The following MRC2 variants were observed in gnomAD, a reference collection of about 807,000 sequenced individuals.
MRC2 encodes mannose receptor C-type 2, also known as C-type mannose receptor 2.
Under a neutral mutation model 206.2 loss-of-function variants are expected in MRC2, and 84 were observed. That is an observed-to-expected ratio of 0.41 (90% CI 0.34 to 0.49). The LOEUF (loss-of-function observed/expected upper bound fraction) is 0.49, where lower values mean the gene tolerates loss of function less well. Ranked by LOEUF, MRC2 falls within the 20% of genes least tolerant of loss-of-function variation. The pLI is 0.31. For missense variants in MRC2, 1,676 were observed against 2,001.5 expected (o/e 0.84, Z 3.10); for synonymous variants, 798 against 800.0 (o/e 1.00, Z 0.04).
At chr17:62,634,765 C>T (rs1057084259) in intron 1 of MRC2, among the ~76,000 whole-genome samples, 2 of 152,102 alleles carry the variant, frequency 1.3e-5, no homozygotes, top group African/African-American at 4.8e-5. Context: ...CAGGAGTTCC[C>T]AGCCTCGTTT....
chr17:62,636,718 C>T (rs1407437671), intron 1 of MRC2, among the ~76,000 whole-genome samples: 1 of 151,948 alleles, frequency 6.6e-6, no homozygotes, highest in Non-Finnish European at 1.5e-5. Flanking sequence ...GTGATCCGCC[C>T]GCCTCAGCCT....
intron 20 of MRC2, among the ~76,000 whole-genome samples, chr17:62,686,273 T>G (rs1237348349): frequency 6.6e-6 from 1 of 152,052 alleles, no homozygotes; most frequent in African/African-American, 2.4e-5. Context: ...GCCAACATGG[T>G]GAAACCCTGT....
intron 1 of MRC2, among the ~76,000 whole-genome samples, chr17:62,644,664 C>G (rs2088453513): frequency 6.6e-6 from 1 of 152,174 alleles, no homozygotes; most frequent in Non-Finnish European, 1.5e-5. Flanking sequence ...CAGTACCGTC[C>G]TGTAATTGGT....
rs767814504 is a variant in MRC2 at position 62,682,385 on chromosome 17, G to C, written c.2946+8G>C. 6.2e-7 allele frequency: 1 copy of C among 1,602,974 alleles called. No homozygotes were observed. Among genetic ancestry groups the C allele is most frequent in the Admixed American group, 1.7e-5 (1 of 57,294 alleles). ...ATCCAGTTCCTCAACAAGGTAGGAG[G>C]TGGCAATGGGGCACCCAAGGGAGTC... On this transcript the variant is annotated splice_region_variant and intron_variant, in intron 20 of 29. Coordinates refer to ENST00000303375, the MANE Select transcript of MRC2 (RefSeq NM_006039.5).
At chr17:62,689,436 T>G in intron 23 of MRC2, 86 bp from the exon 24 acceptor site, 1 of 891,358 alleles carries the variant, frequency 1.1e-6, no homozygotes, top group Non-Finnish European at 1.7e-6. Context: ...GGTCTTTGCC[T>G]GGTGTGCGGC....
rs137941039 is a variant in MRC2, at chr17:62,638,017, C to A, written c.118+10097C>A. ...GTAGCTGGACGACAGGCGGCGCCAC[C>A]ACTCTATTTTGTTGCTCCTATTTTT... is the stretch of plus-strand genomic sequence containing the variant. On this transcript the variant is annotated intron_variant, in intron 1 of 29. Coordinates refer to ENST00000303375, the MANE Select transcript of MRC2 (RefSeq NM_006039.5). Among the ~76,000 whole-genome samples, 544 of 152,166 alleles carry A rather than the reference C, an allele frequency of 3.6e-3. 6 individuals carry two copies. Among genetic ancestry groups the A allele is most frequent in the African/African-American group, 0.013 (527 of 41,496 alleles).
intron 1 of MRC2, among the ~76,000 whole-genome samples, chr17:62,648,344 C>T (rs1232649503): frequency 6.6e-6 from 1 of 152,216 alleles, no homozygotes; most frequent in African/African-American, 2.4e-5. Context: ...GCGGAGGTTG[C>T]GTGACTGCGC....
At chr17:62,642,907 G>C (rs1257938253) in intron 1 of MRC2, among the ~76,000 whole-genome samples, 1 of 152,190 alleles carries the variant, frequency 6.6e-6, no homozygotes, top group Admixed American at 6.5e-5. Context: ...ATGAATTGTG[G>C]CAGCTTCACA....
intron 1 of MRC2, among the ~76,000 whole-genome samples, chr17:62,637,950 G>A (rs527368223): frequency 2.6e-5 from 4 of 152,080 alleles, no homozygotes; most frequent in Non-Finnish European, 5.9e-5. Flanking sequence ...CGGGAGCCTC[G>A]ACCTCCTGGG....
rs9905035 is a variant in MRC2, at chr17:62,675,323, C to A, written c.1570-467C>A. On this transcript the variant is annotated intron_variant, in intron 9 of 29. Coordinates refer to ENST00000303375, the MANE Select transcript of MRC2 (RefSeq NM_006039.5). This position sits in a 1 kb window ranked among gnomAD's most constrained non-coding sequence, Gnocchi z 4.1. ...GCCTGCCAGGGTCTCGTCTCTGAGC[C>A]CCTCCTGCCATCCCCGGGCCAGGAG... 0.018 allele frequency among the ~76,000 whole-genome samples: 2,729 copies of A among 152,274 alleles called. 81 individuals are homozygous for A. Among genetic ancestry groups the A allele is most frequent in the African/African-American group, 0.061 (2,524 of 41,532 alleles).
At position 62,642,513 on chromosome 17, in the gene MRC2, C is replaced by T. The variant is rs111305012; in HGVS notation, c.118+14593C>T. On this transcript the variant is annotated intron_variant, in intron 1 of 29. Coordinates refer to ENST00000303375, the MANE Select transcript of MRC2 (RefSeq NM_006039.5). ...CCAGGCTGGAGTGCAGCAGCACGAT[C>T]TCAGCTCACTGCAACCTCCACCTCC... Among the ~76,000 whole-genome samples, 413 of 152,314 alleles carry T rather than the reference C, an allele frequency of 2.7e-3. 1 individual carries two copies. The highest frequency in any genetic ancestry group is 9.2e-3 in the African/African-American group (383 of 41,562).
At chr17:62,673,961 A>G (rs1355116537) in intron 8 of MRC2, 102 bp from the exon 9 acceptor site, 5 of 879,344 alleles carry the variant, frequency 5.7e-6, no homozygotes, top group Non-Finnish European at 9.0e-6. Flanking sequence ...ATCACACAGT[A>G]AGTCAGAGAC....
chr17:62,681,837 A>G lies in MRC2; in HGVS notation c.2703A>G (p.Arg901=). The change falls in exon 19 of 30, where the codon AGA becomes AGG. Residue 901 remains arginine, a splice_region_variant and synonymous_variant. Coordinates refer to ENST00000303375, the MANE Select transcript of MRC2 (RefSeq NM_006039.5). ...LHTSESDGRF[R]WTDGSIINFI... ...TTACCTCTGCTCCATGCCATTGCAG[A>G]TGGACAGATGGTTCCATTATAAACT... The G allele has an allele frequency of 6.2e-7, 1 of 1,612,844 alleles. No individual in the cohort carries two copies. The highest frequency in any genetic ancestry group is 8.5e-7 in the Non-Finnish European group (1 of 1,179,444).
intron 19 of MRC2, 93 bp downstream of exon 19, chr17:62,682,030 C>A: frequency 8.2e-7 from 1 of 1,224,996 alleles, no homozygotes; most frequent in Non-Finnish European, 1.1e-6. Context: ...TGTTCTCATT[C>A]TCTTTGTTCC....
chr17:62,678,452 T>G (rs1227294130), intron 12 of MRC2, 52 bp from the exon 13 acceptor site: 31 of 1,588,218 alleles, frequency 2.0e-5, no homozygotes, highest in Non-Finnish European at 2.5e-5. Flanking sequence ...AGGTGCCCCC[T>G]GAGGGGTGGG....
chr17:62,628,697 C>G (rs954339619), intron 1 of MRC2, among the ~76,000 whole-genome samples: 1 of 152,208 alleles, frequency 6.6e-6, no homozygotes. Context: ...AATCAGAAAA[C>G]CCCAAAACTG....
rs780215330 is a variant in MRC2, at chr17:62,690,193, C to T, written c.3780C>T (p.Ser1260=). 8.1e-6 allele frequency: 13 copies of T among 1,610,846 alleles called. No individual in the cohort carries two copies. The South Asian group carries it at 1.4e-4, about 18-fold the overall frequency. The change falls in exon 26 of 30, where the codon AGC becomes AGT. Residue 1260 remains serine, a synonymous_variant. Coordinates refer to ENST00000303375, the MANE Select transcript of MRC2 (RefSeq NM_006039.5). The part of the protein sequence containing the change: ...PPPRRISYHG[S]CPQGLADSAW... ...CCCGAAGAATAAGCTACCATGGCAG[C>T]TGTCCCCAGGGACTGGCAGACTCCG...
At chr17:62,658,135 G>T (rs1471808106) in intron 1 of MRC2, among the ~76,000 whole-genome samples, 1 of 152,194 alleles carries the variant, frequency 6.6e-6, no homozygotes, top group Non-Finnish European at 1.5e-5. Flanking sequence ...CCTCCACATT[G>T]CAGTCTTCAG....
chr17:62,688,923 G>A lies in MRC2; in HGVS notation c.3297G>A (p.Thr1099=), dbSNP rs761249604. The change falls in exon 23 of 30, where the codon ACG becomes ACA. Residue 1099 remains threonine (T), a synonymous_variant. Coordinates refer to ENST00000303375, the MANE Select transcript of MRC2 (RefSeq NM_006039.5). ...FTGRWDDRSC[T]EETHGFICQK... is the part of the protein sequence containing the mutation. ...GCCGCTGGGACGATCGGAGCTGCAC[G>A]GAGGAGACCCATGGCTTCATCTGCC... 2.5e-6 allele frequency: 4 copies of A among 1,613,742 alleles called. No homozygotes were observed. Among genetic ancestry groups the A allele is most frequent in the African/African-American group, 2.7e-5 (2 of 74,940 alleles).
Sources: gnomAD v4.1 joint callset for allele counts (sites outside exome capture counted in the v4.1 genomes callset) on GRCh38, gnomAD v4.1.1 for gene constraint, Gnocchi (gnomAD v3.1) non-coding constraint, MANE v1.5 for transcripts, NCBI Gene and HGNC (gene_info 2026-07-23, HGNC 2026-07-21) for gene names.